Variants in VDR observed in about 807,000 individuals in gnomAD.
VDR encodes the protein vitamin D receptor.
In VDR, 19 loss-of-function variants were observed where a neutral mutation model predicts 39.7. That is an observed-to-expected ratio of 0.48 (90% CI 0.33 to 0.70). VDR has a LOEUF of 0.70. Ranked by LOEUF, VDR falls within the 30% of genes least tolerant of loss-of-function variation. The pLI, the probability that VDR is intolerant of heterozygous loss-of-function variation, is 0.02. For missense variants in VDR, 442 were observed against 570.5 expected (o/e 0.77, Z 2.29); for synonymous variants, 242 against 215.8 (o/e 1.12, Z -1.07).
intron 3 of VDR, among the ~76,000 whole-genome samples, chr12:47,868,598 CA>C (rs1166538107): frequency 3.9e-5 from 6 of 152,210 alleles, no homozygotes; most frequent in Non-Finnish European, 8.8e-5. Flanking sequence ...ATTATCCCCA[CA>C]GGGACATCTG....
rs1393616341 is a variant in VDR, at chr12:47,879,076, G to C, written c.38C>G (p.Pro13Arg). ...GGGCACGTTCCGGTCAAAGTCTCCA[G>C]GGTCAGGCAGGGAAGTGCTGGCCGC... ...AMAASTSLPD[P>R]GDFDRNVPRI... Residue 13 changes from proline to arginine, a missense_variant, in exon 3 of 10, where the codon CCT becomes CGT. Transcript: ENST00000549336. 3 of 1,614,126 alleles carry C rather than the reference G, an allele frequency of 1.9e-6. No homozygotes were observed. Among genetic ancestry groups the C allele is most frequent in the East Asian group, 4.5e-5 (2 of 44,874 alleles).
intron 4 of VDR, among the ~76,000 whole-genome samples, chr12:47,859,941 TTCTTTCTTTC>T (rs1945590952): frequency 1.5e-5 from 2 of 136,000 alleles, no homozygotes; most frequent in Non-Finnish European, 3.1e-5. Context: ...CTTTCTTTCT[TTCTTTCTTTC>T]TTTCTTTCTT....
intron 5 of VDR, 43 bp from the exon 6 acceptor site, chr12:47,857,292 G>A: frequency 1.2e-6 from 2 of 1,613,772 alleles, no homozygotes; most frequent in Non-Finnish European, 1.7e-6. Flanking sequence ...TTTTGGGGTT[G>A]CCTTCCTACC....
intron 7 of VDR, 57 bp downstream of exon 7, chr12:47,855,573 T>G: frequency 6.2e-7 from 1 of 1,601,168 alleles, no homozygotes; most frequent in East Asian, 2.2e-5. Context: ...CCAACCCTTC[T>G]TGTAGCTCAG....
intron 4 of VDR, among the ~76,000 whole-genome samples, chr12:47,862,868 C>A (rs571801022): frequency 6.6e-6 from 1 of 152,332 alleles, no homozygotes; most frequent in African/African-American, 2.4e-5. Context: ...GTCTTCCCTT[C>A]AGGAAAGTAA....
At chr12:47,876,408 A>T (rs949119783) in intron 3 of VDR, among the ~76,000 whole-genome samples, 1 of 152,194 alleles carries the variant, frequency 6.6e-6, no homozygotes, top group Non-Finnish European at 1.5e-5. Context: ...AATGACAGAC[A>T]TGTTGGCTCT....
intron 1 of VDR, among the ~76,000 whole-genome samples, chr12:47,899,235 G>T (rs927801817): frequency 6.6e-6 from 1 of 152,222 alleles, no homozygotes; most frequent in Non-Finnish European, 1.5e-5. Context: ...TTCTGGGCTA[G>T]AAATTTTGAA....
At chr12:47,881,763 T>C (rs1946154520) in intron 2 of VDR, among the ~76,000 whole-genome samples, 1 of 152,220 alleles carries the variant, frequency 6.6e-6, no homozygotes, top group Non-Finnish European at 1.5e-5. Context: ...CCAAAGACCA[T>C]CCCAAGTCCA....
chr12:47,879,307 C>CG (rs1247440057), intron 2 of VDR, among the ~76,000 whole-genome samples, 192 bp from the exon 3 acceptor site: 2 of 150,758 alleles, frequency 1.3e-5, no homozygotes, highest in Non-Finnish European at 2.9e-5. Context: ...ATACATGATT[C>CG]GCCCTACATA....
At chr12:47,899,099 G>T (rs920719427) in intron 1 of VDR, among the ~76,000 whole-genome samples, 3 of 152,188 alleles carry the variant, frequency 2.0e-5, no homozygotes, top group African/African-American at 7.2e-5. Flanking sequence ...TTGCAGAGAA[G>T]CTAAGTAACC....
At chr12:47,895,880 C>T (rs1033174670) in intron 1 of VDR, among the ~76,000 whole-genome samples, 4 of 152,254 alleles carry the variant, frequency 2.6e-5, no homozygotes, top group African/African-American at 9.6e-5. Flanking sequence ...TCCCATCAAC[C>T]AGCGTGTGCT....
At chr12:47,873,399 C>T (rs1415539841) in intron 3 of VDR, among the ~76,000 whole-genome samples, 1 of 117,616 alleles carries the variant, frequency 8.5e-6, no homozygotes, top group Admixed American at 1.0e-4. Context: ...GTCTCGCTGT[C>T]GCCCACGCTG....
chr12:47,880,795 C>T (rs567558076), intron 2 of VDR, among the ~76,000 whole-genome samples: 2 of 149,696 alleles, frequency 1.3e-5, no homozygotes, highest in East Asian at 3.9e-4. Flanking sequence ...TCTTTCACAG[C>T]TAGATTTATA....
intron 4 of VDR, among the ~76,000 whole-genome samples, chr12:47,862,402 G>A (rs1159183838): frequency 2.6e-5 from 4 of 152,244 alleles, no homozygotes; most frequent in African/African-American, 9.6e-5. Context: ...ACCTAGATTA[G>A]AATGAATGCT....
intron 4 of VDR, among the ~76,000 whole-genome samples, chr12:47,861,579 CTATCA>C (rs1945626292): frequency 6.6e-6 from 1 of 152,204 alleles, no homozygotes; most frequent in South Asian, 2.1e-4. Flanking sequence ...GATGTCATTA[CTATCA>C]TATAGGAAGA....
intron 2 of VDR, among the ~76,000 whole-genome samples, chr12:47,880,839 A>G (rs1349496790): frequency 6.8e-6 from 1 of 147,688 alleles, no homozygotes; most frequent in Non-Finnish European, 1.5e-5. Context: ...TAATATATAC[A>G]TTAAATATAT....
chr12:47,877,824 C>A (rs1217246171), intron 3 of VDR, among the ~76,000 whole-genome samples: 1 of 152,202 alleles, frequency 6.6e-6, no homozygotes, highest in Non-Finnish European at 1.5e-5. Context: ...GGAGAGTAGG[C>A]TGCCGGGAAG....
At chr12:47,856,825 C>T (rs1945497580) in intron 6 of VDR, among the ~76,000 whole-genome samples, 1 of 152,136 alleles carries the variant, frequency 6.6e-6, no homozygotes, top group Non-Finnish European at 1.5e-5. Flanking sequence ...GTAAAGGAAG[C>T]AGGTCACCTC....
At position 47,878,896 on chromosome 12, in the gene VDR, G is replaced by A. The variant is rs563697143; in HGVS notation, c.146+72C>T. 28 of 1,610,162 alleles carry A rather than the reference G, an allele frequency of 1.7e-5. No individual in the cohort carries two copies. The East Asian group carries it at 4.7e-4, about 27-fold the overall frequency. ...GGAAGGAGATGTGAAAAATGCAAGG[G>A]CTCCCTTCATGGAAACACCTTGCTT... On this transcript the variant is annotated intron_variant, in intron 3 of 9. Transcript: ENST00000549336.
Sources: allele counts gnomAD v4.1 joint callset (sites outside exome capture counted in the v4.1 genomes callset), GRCh38; gene constraint gnomAD v4.1.1; transcripts MANE v1.5; gene names NCBI Gene and HGNC (gene_info 2026-07-23, HGNC 2026-07-21).